Variants in FSTL4 observed in about 807,000 individuals in gnomAD.
The protein encoded by FSTL4 is follistatin-related protein 4.
FSTL4 carries 28 observed loss-of-function variants against 78.2 expected under a neutral mutation model. The ratio of observed to expected loss-of-function variants is 0.36; its 90% CI spans 0.27 to 0.49. FSTL4 has a LOEUF of 0.49. FSTL4 is among the 20% of genes least tolerant of loss of function. The pLI is 0.98. For missense variants in FSTL4, 922 were observed against 1,084.9 expected, an observed-to-expected ratio of 0.85 and a Z score of 2.11; for synonymous variants, 422 against 440.5, an observed-to-expected ratio of 0.96 and a Z score of 0.53.
the FSTL4 span, among the ~76,000 whole-genome samples, chr5:133,784,431 G>T: frequency 6.6e-6 from 1 of 152,186 alleles, no homozygotes; most frequent in Non-Finnish European, 1.5e-5. Context: ...ATCCTGGGGA[G>T]AACACCCCAT....
chr5:133,735,702 A>G, the FSTL4 span, among the ~76,000 whole-genome samples: 1 of 152,102 alleles, frequency 6.6e-6, no homozygotes, highest in Non-Finnish European at 1.5e-5. Flanking sequence ...ATTTTCTCAC[A>G]AGCAATGCGA....
chr5:133,795,243 A>G, the FSTL4 span, among the ~76,000 whole-genome samples: 10 of 152,202 alleles, frequency 6.6e-5, no homozygotes, highest in South Asian at 2.1e-4. Context: ...GCAGGAAGCA[A>G]TCCGTCTGCA....
chr5:133,623,827 A>G, the FSTL4 span, among the ~76,000 whole-genome samples: 1 of 152,008 alleles, frequency 6.6e-6, no homozygotes, highest in Non-Finnish European at 1.5e-5. Context: ...TTGAACAAAC[A>G]TTTCTTCAGA....
chr5:133,546,590 A>T (rs1251978166), intron 3 of FSTL4, among the ~76,000 whole-genome samples: 6 of 151,844 alleles, frequency 4.0e-5, no homozygotes, highest in Non-Finnish European at 7.4e-5. Flanking sequence ...ATCTTTTGTT[A>T]AGGAGATTAG....
At chr5:133,309,625 T>TGGCCCAGCCAGGGCC (rs1753731078) in intron 6 of FSTL4, among the ~76,000 whole-genome samples, 1 of 152,118 alleles carries the variant, frequency 6.6e-6, no homozygotes, top group Non-Finnish European at 1.5e-5. Context: ...GTGGCAAGCA[T>TGGCCCAGCCAGGGCC]GGCCCAGCCA....
At chr5:133,668,029 T>C in the FSTL4 span, among the ~76,000 whole-genome samples, 5 of 152,198 alleles carry the variant, frequency 3.3e-5, no homozygotes, top group African/African-American at 4.8e-5. Context: ...TTTGTGGTGA[T>C]TGAACCAGTG....
intron 4 of FSTL4, among the ~76,000 whole-genome samples, chr5:133,393,900 G>A (rs139683232): frequency 8.5e-5 from 13 of 152,352 alleles, no homozygotes; most frequent in Admixed American, 3.3e-4. Context: ...AGTGGCACAC[G>A]AGGCCCTTTC....
At chr5:133,445,335 GC>G (rs1343939628) in intron 3 of FSTL4, among the ~76,000 whole-genome samples, 1 of 151,894 alleles carries the variant, frequency 6.6e-6, no homozygotes, top group East Asian at 1.9e-4. Flanking sequence ...GGCAGCACAG[GC>G]CGGGGAGTGC....
intron 3 of FSTL4, among the ~76,000 whole-genome samples, chr5:133,472,162 G>C (rs1757838295): frequency 6.6e-6 from 1 of 152,172 alleles, no homozygotes; most frequent in Non-Finnish European, 1.5e-5. Flanking sequence ...CTGATATTTG[G>C]GGGTTATATA....
chr5:133,560,203 G>T (rs1287484731), intron 3 of FSTL4, among the ~76,000 whole-genome samples: 3 of 152,198 alleles, frequency 2.0e-5, no homozygotes, highest in Non-Finnish European at 4.4e-5. Context: ...CTCAGGTTCG[G>T]ATAGCATCAC....
intron 7 of FSTL4, 100 bp from the exon 8 acceptor site, chr5:133,233,637 G>A: frequency 1.4e-6 from 2 of 1,437,434 alleles, no homozygotes; most frequent in South Asian, 2.5e-5. Context: ...AGCTGGGAGA[G>A]AGTTCCTTTC....
chr5:133,605,925 C>T (rs1166203013), intron 1 of FSTL4, among the ~76,000 whole-genome samples: 4 of 152,176 alleles, frequency 2.6e-5, no homozygotes, highest in South Asian at 2.1e-4. Flanking sequence ...GGAATAATGC[C>T]GCTTCAGCTG....
At chr5:133,302,438 A>G (rs66744880) in intron 6 of FSTL4, among the ~76,000 whole-genome samples, 26,357 of 152,184 alleles carry the variant, frequency 0.17, 2,684 homozygotes, top group African/African-American at 0.27. Context: ...AGACTTGGGT[A>G]CAAACACTTT....
At chr5:133,652,473 A>G in the FSTL4 span, among the ~76,000 whole-genome samples, 1 of 152,184 alleles carries the variant, frequency 6.6e-6, no homozygotes, top group Admixed American at 6.5e-5. Context: ...AGTTCAAAAT[A>G]TTTTAAATTT....
At chr5:133,334,022 G>A (rs1754407113) in intron 4 of FSTL4, 1 of 152,284 alleles carries the variant, frequency 6.6e-6, no homozygotes, top group Admixed American at 6.5e-5. Context: ...TAGAGCAGGA[G>A]GAAGCCTGAG....
At chr5:133,227,548 G>T (rs569221091) in intron 8 of FSTL4, among the ~76,000 whole-genome samples, 1 of 152,278 alleles carries the variant, frequency 6.6e-6, no homozygotes, top group African/African-American at 2.4e-5. Flanking sequence ...ACTGGCCTTG[G>T]GGGTGGTTGG....
At chr5:133,779,388 C>A in the FSTL4 span, among the ~76,000 whole-genome samples, 1 of 152,104 alleles carries the variant, frequency 6.6e-6, no homozygotes, top group African/African-American at 2.4e-5. Context: ...AGATGGAGAC[C>A]ATCCTGGCTA....
chr5:133,385,671 G>A (rs1028628770), intron 4 of FSTL4, among the ~76,000 whole-genome samples: 1 of 152,232 alleles, frequency 6.6e-6, no homozygotes, highest in African/African-American at 2.4e-5. Flanking sequence ...GGGAGAGACT[G>A]CGCAGGTGCT....
chr5:133,292,164 G>A (rs1328430202), intron 6 of FSTL4, among the ~76,000 whole-genome samples: 2 of 152,150 alleles, frequency 1.3e-5, no homozygotes, highest in Non-Finnish European at 2.9e-5. Context: ...GGGTCAACTC[G>A]CCAGTTCTTT....
Sources: gnomAD v4.1 joint callset for allele counts (sites outside exome capture counted in the v4.1 genomes callset) on GRCh38, gnomAD v4.1.1 for gene constraint, MANE v1.5 for transcripts, NCBI Gene and HGNC (gene_info 2026-07-23, HGNC 2026-07-21) for gene names.